LINGO2: variants seen among roughly 807,000 people sequenced by gnomAD.
LINGO2 encodes the protein leucine-rich repeat and immunoglobulin-like domain-containing nogo receptor-interacting protein 2.
LINGO2 carries 14 observed loss-of-function variants against 30.6 expected under a neutral mutation model. The ratio of observed to expected loss-of-function variants is 0.46; its 90% CI spans 0.30 to 0.72. The LOEUF is 0.72. LINGO2 is among the 30% of genes least tolerant of loss of function. The probability of loss-of-function intolerance (pLI) is 0.07; values close to 1 mark genes in which losing one functional copy is unlikely to be tolerated. For synonymous variants in LINGO2, 317 were observed against 288.5 expected, an observed-to-expected ratio of 1.10 and a Z score of -1.00; for missense variants, 729 against 751.7, an observed-to-expected ratio of 0.97 and a Z score of 0.35.
the LINGO2 span, among the ~76,000 whole-genome samples, chr9:28,934,503 C>A: frequency 6.6e-6 from 1 of 152,058 alleles, no homozygotes; most frequent in East Asian, 1.9e-4. Flanking sequence ...AAGCTGTAAA[C>A]AATTTCATGC....
At chr9:28,009,008 A>C (rs1191242773) in intron 5 of LINGO2, among the ~76,000 whole-genome samples, 1 of 152,204 alleles carries the variant, frequency 6.6e-6, no homozygotes, top group Non-Finnish European at 1.5e-5. Context: ...ACCGATTTCA[A>C]AATTTACTAT....
At chr9:28,393,277 GGATAA>G (rs1458541452) in intron 2 of LINGO2, among the ~76,000 whole-genome samples, 2 of 152,198 alleles carry the variant, frequency 1.3e-5, no homozygotes, top group African/African-American at 2.4e-5. Context: ...CTAGAATATA[GGATAA>G]AAGGACATAT....
At chr9:28,392,449 T>C (rs184354530) in intron 2 of LINGO2, among the ~76,000 whole-genome samples, 63 of 152,272 alleles carry the variant, frequency 4.1e-4, no homozygotes, top group East Asian at 1.5e-3. Context: ...ATTTACACAT[T>C]AGTGAGTAGA....
intron 4 of LINGO2, among the ~76,000 whole-genome samples, chr9:28,231,828 C>A (rs1316315606): frequency 6.6e-6 from 1 of 151,912 alleles, no homozygotes; most frequent in Non-Finnish European, 1.5e-5. Flanking sequence ...ACTAAGCATG[C>A]ACAAAAATGG....
chr9:28,805,998 T>A, the LINGO2 span, among the ~76,000 whole-genome samples: 24 of 152,204 alleles, frequency 1.6e-4, no homozygotes, highest in Non-Finnish European at 2.4e-4. Context: ...ATGTTTTGCC[T>A]ACAATGAAAT....
At chr9:28,183,263 A>G (rs1819422802) in intron 4 of LINGO2, among the ~76,000 whole-genome samples, 1 of 151,578 alleles carries the variant, frequency 6.6e-6, no homozygotes, top group Admixed American at 6.6e-5. Context: ...ATGAGAACAC[A>G]TGGACACAGG....
chr9:29,065,432 G>T, the LINGO2 span, among the ~76,000 whole-genome samples: 1,373 of 152,134 alleles, frequency 9.0e-3, 11 homozygotes, highest in Non-Finnish European at 0.015. Context: ...AAACCATCTT[G>T]AGTTAATTTT....
intron 3 of LINGO2, among the ~76,000 whole-genome samples, chr9:28,365,980 A>G (rs976337457): frequency 6.6e-6 from 1 of 152,096 alleles, no homozygotes; most frequent in Non-Finnish European, 1.5e-5. Flanking sequence ...GGGGAGCTGC[A>G]TTGCTTTCAA....
chr9:28,420,141 T>G (rs955543519), intron 2 of LINGO2, among the ~76,000 whole-genome samples: 3 of 152,056 alleles, frequency 2.0e-5, no homozygotes, highest in African/African-American at 7.2e-5. Flanking sequence ...GGAAGTCTCA[T>G]TGCCCAAAGA....
At chr9:28,888,568 A>G in the LINGO2 span, among the ~76,000 whole-genome samples, 2 of 152,210 alleles carry the variant, frequency 1.3e-5, no homozygotes, top group African/African-American at 4.8e-5. Flanking sequence ...TATCTTTCAC[A>G]TAAGCACTGG....
At chr9:28,462,402 T>C (rs1053466825) in intron 2 of LINGO2, among the ~76,000 whole-genome samples, 2 of 132,712 alleles carry the variant, frequency 1.5e-5, no homozygotes, top group Non-Finnish European at 3.1e-5. Flanking sequence ...ATAACATTCA[T>C]CATGCTCTAG....
chr9:28,591,758 A>G (rs1196765296), intron 1 of LINGO2, among the ~76,000 whole-genome samples: 3 of 152,016 alleles, frequency 2.0e-5, no homozygotes, highest in African/African-American at 7.2e-5. Flanking sequence ...CCTTGTGGAA[A>G]TCTTGAATTA....
At chr9:28,071,242 TC>T (rs1399707636) in intron 4 of LINGO2, among the ~76,000 whole-genome samples, 2 of 152,190 alleles carry the variant, frequency 1.3e-5, no homozygotes, top group Non-Finnish European at 2.9e-5. Flanking sequence ...GTTGTACATT[TC>T]AAGTGTGGTG....
chr9:28,207,986 T>A (rs983478169), intron 4 of LINGO2, among the ~76,000 whole-genome samples: 13 of 152,082 alleles, frequency 8.5e-5, no homozygotes, highest in African/African-American at 3.1e-4. Context: ...GTCTGCTTTT[T>A]GGCTTATGTG....
the LINGO2 span, among the ~76,000 whole-genome samples, chr9:28,928,774 T>C: frequency 3.3e-5 from 5 of 152,156 alleles, no homozygotes; most frequent in African/African-American, 1.2e-4. Context: ...CATGAAATAG[T>C]GCAATTCCCT....
chr9:27,965,684 T>C (rs1164288775), intron 5 of LINGO2, among the ~76,000 whole-genome samples: 2 of 152,162 alleles, frequency 1.3e-5, no homozygotes, highest in East Asian at 3.8e-4. Context: ...AATTATTTGC[T>C]CTTCTACAGT....
the LINGO2 span, among the ~76,000 whole-genome samples, chr9:28,961,036 T>C: frequency 2.0e-5 from 3 of 152,256 alleles, no homozygotes; most frequent in Non-Finnish European, 2.9e-5. Flanking sequence ...ATGGTTATGC[T>C]CATGTATATT....
At position 28,011,865 on chromosome 9, in the gene LINGO2, T is replaced by G. The variant is rs549808105; in HGVS notation, c.-36+490A>C. 9.8e-5 allele frequency among the ~76,000 whole-genome samples: 15 copies of G among 152,298 alleles called. No homozygotes were observed. The East Asian group carries it at 2.5e-3, about 26-fold the overall frequency. ...CAGTCAAGAAGACACAGGCAGGGCA[T>G]GAACTCAGATCCACATGTATGCCAA... On this transcript the variant is annotated intron_variant, in intron 5 of 5. Coordinates refer to ENST00000379992, the Ensembl canonical transcript of LINGO2.
At chr9:29,163,111 T>TA in the LINGO2 span, among the ~76,000 whole-genome samples, 13 of 152,168 alleles carry the variant, frequency 8.5e-5, no homozygotes, top group Non-Finnish European at 1.5e-4. Context: ...AGTTTTAATA[T>TA]ATCTTGAAGT....
Sources: allele counts gnomAD v4.1 joint callset (sites outside exome capture counted in the v4.1 genomes callset), GRCh38; gene constraint gnomAD v4.1.1; transcripts MANE v1.5; gene names NCBI Gene and HGNC (gene_info 2026-07-23, HGNC 2026-07-21).